Variants in SPRY3 observed in about 807,000 individuals in gnomAD.
SPRY3 encodes sprouty RTK signaling antagonist 3.
SPRY3 carries 15 observed loss-of-function variants against 20.2 expected under a neutral mutation model. That is an observed-to-expected ratio of 0.74 (90% CI 0.50 to 1.14). SPRY3 has a LOEUF of 1.14. SPRY3 is among the 50% of genes most tolerant of loss of function. The probability of loss-of-function intolerance (pLI) is 0.00; values close to 1 mark genes in which losing one functional copy is unlikely to be tolerated. For missense variants in SPRY3, 364 were observed against 363.9 expected (o/e 1.00, Z 0.00); for synonymous variants, 143 against 136.5 (o/e 1.05, Z -0.33).
At chrX:155,692,984 G>A (rs923488452) in intron 2 of SPRY3, among the ~76,000 whole-genome samples, 11 of 109,402 alleles carry the variant, frequency 1.0e-4, no homozygotes, top group South Asian at 3.8e-4. Flanking sequence ...TATTTATTAC[G>A]TTTTTCTTCT....
chrX:155,657,571 G>A (rs1659066343), intron 2 of SPRY3, among the ~76,000 whole-genome samples: 1 of 112,212 alleles, frequency 8.9e-6, no homozygotes, highest in Admixed American at 9.4e-5. Context: ...GACCCGCTGA[G>A]TGAGACCACT....
At chrX:155,718,966 ACTAT>A (rs1373151542) in intron 2 of SPRY3, among the ~76,000 whole-genome samples, 2 of 151,968 alleles carry the variant, frequency 1.3e-5, no homozygotes, top group African/African-American at 4.8e-5. Context: ...CAATTTAAAA[ACTAT>A]CTACACAGAA....
At chrX:155,637,624 G>C (rs782784974) in intron 1 of SPRY3, among the ~76,000 whole-genome samples, 31 of 111,432 alleles carry the variant, frequency 2.8e-4, no homozygotes, top group African/African-American at 7.8e-4. Flanking sequence ...CATCAGGCCT[G>C]TGCTCCCTCC....
At chrX:155,636,153 C>A (rs1557351005) in intron 1 of SPRY3, among the ~76,000 whole-genome samples, 1 of 111,239 alleles carries the variant, frequency 9.0e-6, no homozygotes, top group Admixed American at 9.6e-5. Context: ...AGACTGCCAC[C>A]CGCTATTAGC....
intron 2 of SPRY3, among the ~76,000 whole-genome samples, chrX:155,710,040 A>G (rs1385349726): frequency 6.6e-6 from 1 of 151,750 alleles, no homozygotes; most frequent in East Asian, 1.9e-4. Context: ...TTATGCGAGT[A>G]CCATGCTGTT....
intron 2 of SPRY3, among the ~76,000 whole-genome samples, chrX:155,665,875 A>G (rs782069292): frequency 8.9e-6 from 1 of 111,787 alleles, no homozygotes; most frequent in African/African-American, 3.2e-5. Context: ...TCAATAGTGG[A>G]TATATAGGTG....
In SPRY3 at chrX:155,715,773, G is replaced by A. The variant is rs113986727; in HGVS notation, c.-281-52189G>A. Among the ~76,000 whole-genome samples, 365 of 152,286 alleles carry A rather than the reference G, an allele frequency of 2.4e-3. 3 individuals carry two copies. Among genetic ancestry groups the A allele is most frequent in the Non-Finnish European group, 3.8e-3 (259 of 68,024 alleles). On this transcript the variant is annotated intron_variant, in intron 2 of 3. Transcript: ENST00000675360. The stretch of plus-strand genomic sequence containing the variant: ...ACATGATACTGCTCTAGCTAAGGCT[G>A]GTCCAAATGTTCCCTCCATGCACAG...
intron 2 of SPRY3, among the ~76,000 whole-genome samples, chrX:155,738,455 C>T (rs1277661451): frequency 2.0e-5 from 3 of 152,162 alleles, no homozygotes; most frequent in African/African-American, 2.4e-5. Context: ...GAAGCAGCTT[C>T]AGTCCATGGC....
intron 1 of SPRY3, among the ~76,000 whole-genome samples, chrX:155,642,662 TAG>T (rs2067945760): frequency 9.0e-6 from 1 of 111,699 alleles, no homozygotes; most frequent in Non-Finnish European, 1.9e-5. Flanking sequence ...TTATAGGTTT[TAG>T]TATGTTGTGT....
At chrX:155,717,273 C>T (rs2091029835) in intron 2 of SPRY3, among the ~76,000 whole-genome samples, 2 of 151,446 alleles carry the variant, frequency 1.3e-5, no homozygotes, top group South Asian at 2.1e-4. Flanking sequence ...TTAAGTAGCC[C>T]GTCTATAGCT....
intron 1 of SPRY3, among the ~76,000 whole-genome samples, chrX:155,633,266 C>T (rs1405771209): frequency 9.4e-6 from 1 of 106,566 alleles, no homozygotes; most frequent in Non-Finnish European, 1.9e-5. Context: ...CCAGGCCGGG[C>T]ACGGTGGCTC....
intron 2 of SPRY3, among the ~76,000 whole-genome samples, chrX:155,719,431 G>T (rs1258922455): frequency 2.0e-5 from 3 of 152,048 alleles, no homozygotes; most frequent in Admixed American, 6.5e-5. Flanking sequence ...GTGCTGAACT[G>T]GGCCTAGAGA....
intron 2 of SPRY3, among the ~76,000 whole-genome samples, chrX:155,704,000 C>T (rs1456157026): frequency 6.6e-6 from 1 of 151,768 alleles, no homozygotes; most frequent in Admixed American, 6.6e-5. Flanking sequence ...AATGCAAACC[C>T]TCGCACTAAA....
At chrX:155,642,328 A>G (rs2067944656) in intron 1 of SPRY3, among the ~76,000 whole-genome samples, 2 of 111,781 alleles carry the variant, frequency 1.8e-5, no homozygotes, top group Non-Finnish European at 3.8e-5. Flanking sequence ...ATCAGTTGTA[A>G]TGTCTCCTTT....
chrX:155,624,225 G>A (rs1371879772), intron 1 of SPRY3, among the ~76,000 whole-genome samples: 3 of 111,647 alleles, frequency 2.7e-5, no homozygotes, highest in Admixed American at 1.9e-4. Context: ...AGCTACTTTA[G>A]CAATTCAATT....
intron 2 of SPRY3, among the ~76,000 whole-genome samples, chrX:155,763,451 C>T (rs1197925497): frequency 6.6e-6 from 1 of 152,092 alleles, no homozygotes; most frequent in Non-Finnish European, 1.5e-5. Context: ...CTAGTATCTC[C>T]CCACTCCTAT....
At chrX:155,748,254 C>T (rs1311908641) in intron 2 of SPRY3, among the ~76,000 whole-genome samples, 6 of 151,682 alleles carry the variant, frequency 4.0e-5, no homozygotes, top group East Asian at 1.9e-4. Context: ...AAGATAGTAT[C>T]GATGAAAACA....
At chrX:155,695,145 C>G (rs778074485) in intron 2 of SPRY3, among the ~76,000 whole-genome samples, 1 of 111,929 alleles carries the variant, frequency 8.9e-6, no homozygotes, top group Non-Finnish European at 1.9e-5. Context: ...CTTCTTTTAG[C>G]ATTTCTTCTA....
intron 2 of SPRY3, among the ~76,000 whole-genome samples, chrX:155,697,215 A>T (rs1205070485): frequency 9.0e-6 from 1 of 111,126 alleles, no homozygotes; most frequent in Non-Finnish European, 1.9e-5. Context: ...TTCCCAGTGT[A>T]GGTGGGCATC....
Sources: gnomAD v4.1 joint callset for allele counts (sites outside exome capture counted in the v4.1 genomes callset) on GRCh38, gnomAD v4.1.1 for gene constraint, MANE v1.5 for transcripts, NCBI Gene and HGNC (gene_info 2026-07-23, HGNC 2026-07-21) for gene names.